The following LYPD6B variants were observed in gnomAD, a reference collection of about 807,000 sequenced individuals.
The protein encoded by LYPD6B is ly6/PLAUR domain-containing protein 6B.
Under a neutral mutation model 22.8 loss-of-function variants are expected in LYPD6B, and 17 were observed. The ratio of observed to expected loss-of-function variants is 0.75; its 90% CI spans 0.51 to 1.12. LYPD6B has a LOEUF of 1.12. Ranked by LOEUF, LYPD6B falls within the 50% of genes most tolerant of loss-of-function variation. The pLI, the probability that LYPD6B is intolerant of heterozygous loss-of-function variation, is 0.00. For missense variants in LYPD6B, 221 were observed against 258.3 expected, an observed-to-expected ratio of 0.86 and a Z score of 0.99; for synonymous variants, 106 against 91.6, an observed-to-expected ratio of 1.16 and a Z score of -0.90.
intron 1 of LYPD6B, among the ~76,000 whole-genome samples, chr2:149,075,660 T>A (rs1558983020): frequency 6.6e-6 from 1 of 152,142 alleles, no homozygotes; most frequent in Non-Finnish European, 1.5e-5. Flanking sequence ...GTGCATAGTT[T>A]GACTATGACC....
chr2:149,058,295 G>C (rs769746743), intron 1 of LYPD6B, among the ~76,000 whole-genome samples: 38 of 152,234 alleles, frequency 2.5e-4, no homozygotes, highest in Admixed American at 5.9e-4. Flanking sequence ...AGCAGTCTCA[G>C]TTTCCTCTCC....
chr2:149,149,639 C>CCATA (rs1283496783), intron 2 of LYPD6B, among the ~76,000 whole-genome samples: 1 of 152,242 alleles, frequency 6.6e-6, no homozygotes, highest in Non-Finnish European at 1.5e-5. Context: ...ATCACATGCA[C>CCATA]CATAACGTGT....
At chr2:149,194,471 T>G (rs1692679648) in intron 3 of LYPD6B, among the ~76,000 whole-genome samples, 1 of 152,152 alleles carries the variant, frequency 6.6e-6, no homozygotes, top group African/African-American at 2.4e-5. Context: ...TGGGCCAGAT[T>G]TAGAGGTAGT....
At chr2:149,115,678 C>T (rs918300172) in intron 1 of LYPD6B, among the ~76,000 whole-genome samples, 5 of 152,286 alleles carry the variant, frequency 3.3e-5, no homozygotes, top group African/African-American at 1.2e-4. Context: ...GCTAAGATAA[C>T]ACATGGAAGA....
At chr2:149,059,923 G>C (rs1174156352) in intron 1 of LYPD6B, among the ~76,000 whole-genome samples, 1 of 152,180 alleles carries the variant, frequency 6.6e-6, no homozygotes, top group East Asian at 1.9e-4. Context: ...AGGTGGTTCA[G>C]GCAGGAGTGG....
At chr2:149,171,774 A>T (rs541966570) in intron 3 of LYPD6B, among the ~76,000 whole-genome samples, 17 of 152,306 alleles carry the variant, frequency 1.1e-4, no homozygotes, top group Admixed American at 5.2e-4. Flanking sequence ...CTGTTGGTTT[A>T]GGGAGAAAAC....
chr2:149,068,125 C>G (rs1335289166), intron 1 of LYPD6B, among the ~76,000 whole-genome samples: 1 of 152,156 alleles, frequency 6.6e-6, no homozygotes, highest in Admixed American at 6.5e-5. Flanking sequence ...AAGAAATCAG[C>G]ATGTAATTTT....
intron 1 of LYPD6B, among the ~76,000 whole-genome samples, chr2:149,100,729 G>A (rs1378777581): frequency 6.6e-6 from 1 of 152,128 alleles, no homozygotes; most frequent in African/African-American, 2.4e-5. Flanking sequence ...TTGTTAAGTT[G>A]GTGGCTTTAT....
chr2:149,052,445 A>G (rs1263793892), intron 1 of LYPD6B, among the ~76,000 whole-genome samples: 1 of 152,228 alleles, frequency 6.6e-6, no homozygotes, highest in Non-Finnish European at 1.5e-5. Flanking sequence ...CCTGAAAGCT[A>G]CTATAAATCT....
At chr2:149,069,593 C>T (rs1684503020) in intron 1 of LYPD6B, among the ~76,000 whole-genome samples, 1 of 152,132 alleles carries the variant, frequency 6.6e-6, no homozygotes, top group Non-Finnish European at 1.5e-5. Context: ...GGTCTGGATA[C>T]TGCATGAGCC....
Position 149,130,749 on chromosome 2 carries a change from G to A in LYPD6B, c.-66-134G>A, listed in dbSNP as rs1245679122. 9 of 502,494 alleles carry A rather than the reference G, an allele frequency of 1.8e-5. No individual in the cohort carries two copies. The Admixed American group carries it at 2.3e-4, about 13-fold the overall frequency. The allele number at this position is 502,494 out of a possible 1,614,324, so 31.1% of individuals were successfully genotyped here. A position where few individuals can be genotyped will look rare whatever the true frequency, so the allele number is the denominator to read the frequency against. ...CTTTCTTGTACCTGGTTTGTGGTTA[G>A]GAAAGGTTATTGAGCCTAAGGATCT... is the stretch of plus-strand genomic sequence containing the variant. On this transcript the variant is annotated intron_variant, in intron 1 of 6. Coordinates refer to ENST00000409642, the MANE Select transcript of LYPD6B (RefSeq NM_177964.5).
At chr2:149,155,445 C>T (rs887628945) in intron 2 of LYPD6B, among the ~76,000 whole-genome samples, 4 of 152,222 alleles carry the variant, frequency 2.6e-5, no homozygotes, top group Non-Finnish European at 4.4e-5. Flanking sequence ...CCCAGCCCAT[C>T]ACTGCAGCCT....
At chr2:149,059,845 T>G (rs1683991744) in intron 1 of LYPD6B, among the ~76,000 whole-genome samples, 1 of 152,188 alleles carries the variant, frequency 6.6e-6, no homozygotes, top group South Asian at 2.1e-4. Context: ...GCCTGTGCAC[T>G]TGCCTGGGGA....
chr2:149,051,873 C>T (rs1382855563), intron 1 of LYPD6B, among the ~76,000 whole-genome samples: 2 of 152,040 alleles, frequency 1.3e-5, no homozygotes, highest in Non-Finnish European at 2.9e-5. Context: ...ACCATGTTGG[C>T]CAGGCTGGTC....
chr2:149,102,716 A>G (rs1202411014), intron 1 of LYPD6B, among the ~76,000 whole-genome samples: 1 of 151,746 alleles, frequency 6.6e-6, no homozygotes, highest in Non-Finnish European at 1.5e-5. Context: ...TGCAACCTCC[A>G]CCTCCTGGGT....
intron 2 of LYPD6B, among the ~76,000 whole-genome samples, chr2:149,135,101 C>T (rs376812025): frequency 2.6e-5 from 4 of 151,428 alleles, no homozygotes; most frequent in African/African-American, 7.3e-5. Flanking sequence ...AAAAATTAGC[C>T]GGGTGTGGTG....
chr2:149,061,347 G>A (rs937349773), intron 1 of LYPD6B, among the ~76,000 whole-genome samples: 1 of 152,040 alleles, frequency 6.6e-6, no homozygotes, highest in African/African-American at 2.4e-5. Flanking sequence ...AATGTAAATT[G>A]CTATAAGACT....
intron 3 of LYPD6B, among the ~76,000 whole-genome samples, chr2:149,191,356 G>T (rs960661403): frequency 1.3e-5 from 2 of 151,776 alleles, no homozygotes; most frequent in Admixed American, 1.3e-4. Context: ...AATGTTTATG[G>T]CTTTGTTTTT....
intron 2 of LYPD6B, 111 bp from the exon 3 acceptor site, chr2:149,160,653 C>A: frequency 1.3e-6 from 1 of 750,158 alleles, no homozygotes; most frequent in Non-Finnish European, 2.3e-6. Context: ...TATTCTGAAA[C>A]ATCTCCAAAC....
Sources: allele counts gnomAD v4.1 joint callset (sites outside exome capture counted in the v4.1 genomes callset), GRCh38; gene constraint gnomAD v4.1.1; transcripts MANE v1.5; gene names NCBI Gene and HGNC (gene_info 2026-07-23, HGNC 2026-07-21).